Variants in NFASC observed in about 807,000 individuals in gnomAD.
NFASC encodes the protein neurofascin homolog.
In NFASC, 43 loss-of-function variants were observed where a neutral mutation model predicts 147.5. That is an observed-to-expected ratio of 0.29 (90% CI 0.23 to 0.38). The LOEUF (loss-of-function observed/expected upper bound fraction) is 0.38. NFASC is among the 10% of genes least tolerant of loss of function. NFASC has a pLI of 1.00. For synonymous variants in NFASC, 622 were observed against 665.5 expected, an observed-to-expected ratio of 0.93 and a Z score of 1.01; for missense variants, 1,320 against 1,689.0, an observed-to-expected ratio of 0.78 and a Z score of 3.83.
intron 1 of NFASC, among the ~76,000 whole-genome samples, chr1:204,829,159 A>G (rs570513050): frequency 2.1e-5 from 3 of 141,292 alleles, no homozygotes; most frequent in South Asian, 4.8e-4. Flanking sequence ...GGATGACCCC[A>G]TGCCTCCTGT....
intron 8 of NFASC, among the ~76,000 whole-genome samples, chr1:204,963,994 C>T (rs1379944057): frequency 6.6e-6 from 1 of 152,182 alleles, no homozygotes; most frequent in Non-Finnish European, 1.5e-5. Context: ...CTGCTAGGTG[C>T]CCCCTGACCT....
intron 3 of NFASC, chr1:204,946,573 C>T (rs1344831070): frequency 4.4e-6 from 2 of 450,180 alleles, no homozygotes; most frequent in Non-Finnish European, 9.1e-6. Flanking sequence ...CACACTTTCC[C>T]AGTGGCCACC....
At chr1:204,876,996 GTATA>G (rs60582969) in intron 1 of NFASC, among the ~76,000 whole-genome samples, 4,045 of 74,542 alleles carry the variant, frequency 0.054, 181 homozygotes, top group African/African-American at 0.11. Context: ...GGCTAAATAT[GTATA>G]TATATATATA....
At chr1:204,867,087 G>A (rs1400142763) in intron 1 of NFASC, among the ~76,000 whole-genome samples, 1 of 152,160 alleles carries the variant, frequency 6.6e-6, no homozygotes, top group African/African-American at 2.4e-5. Flanking sequence ...AGAAAAACAG[G>A]TGCAGTCGGA....
At chr1:204,931,862 G>A (rs2092390940) in intron 2 of NFASC, among the ~76,000 whole-genome samples, 1 of 152,072 alleles carries the variant, frequency 6.6e-6, no homozygotes, top group Non-Finnish European at 1.5e-5. Flanking sequence ...TCAGTCATCA[G>A]ATCCTATTCT....
At chr1:204,946,449 C>G in intron 3 of NFASC, 1 of 427,922 alleles carries the variant, frequency 2.3e-6, no homozygotes, top group Non-Finnish European at 4.9e-6. Context: ...CTGGCTGTGT[C>G]GGGGCAGGAG....
At chr1:204,906,722 GC>G (rs1426988052) in intron 1 of NFASC, among the ~76,000 whole-genome samples, 2 of 148,062 alleles carry the variant, frequency 1.4e-5, no homozygotes, top group Non-Finnish European at 3.0e-5. Context: ...TCGCTCTGTT[GC>G]CCAGGCTGGA....
At chr1:204,973,969 G>A (rs929341742) in intron 12 of NFASC, among the ~76,000 whole-genome samples, 3 of 152,192 alleles carry the variant, frequency 2.0e-5, no homozygotes, top group Non-Finnish European at 4.4e-5. Flanking sequence ...GGATTTGGAT[G>A]TAGGGTAGGT....
chr1:204,853,968 C>T (rs1295504598), intron 1 of NFASC, among the ~76,000 whole-genome samples: 4 of 152,148 alleles, frequency 2.6e-5, no homozygotes, highest in Non-Finnish European at 4.4e-5. Context: ...CTTTTCTGCT[C>T]CTCCTTGGGA....
chr1:204,856,598 A>G (rs1171836067), intron 1 of NFASC, among the ~76,000 whole-genome samples: 1 of 151,982 alleles, frequency 6.6e-6, no homozygotes, highest in South Asian at 2.1e-4. Context: ...TTGTGCAGCT[A>G]TCTCCTCTCT....
chr1:204,967,042 A>T (rs1215112139), intron 8 of NFASC, among the ~76,000 whole-genome samples: 1 of 152,078 alleles, frequency 6.6e-6, no homozygotes, highest in African/African-American at 2.4e-5. Context: ...ACCAGCACCG[A>T]TTAAACCCTG....
intron 24 of NFASC, among the ~76,000 whole-genome samples, chr1:204,996,233 C>T (rs2095843416): frequency 6.6e-6 from 1 of 152,056 alleles, no homozygotes; most frequent in South Asian, 2.1e-4. Context: ...GAGGGTTAGC[C>T]CAGATCTGAA....
At chr1:204,976,028 A>C (rs556111734) in intron 15 of NFASC, among the ~76,000 whole-genome samples, 13 of 152,232 alleles carry the variant, frequency 8.5e-5, no homozygotes, top group Admixed American at 5.2e-4. Context: ...CCCAGGGCTT[A>C]CTTTGCTTTA....
chr1:204,951,903 G>C (rs1289218793), intron 4 of NFASC, 108 bp from the exon 5 acceptor site: 8 of 798,870 alleles, frequency 1.0e-5, no homozygotes, highest in Non-Finnish European at 1.7e-5. Flanking sequence ...CCACCCACTT[G>C]CCTGCTTGCA....
intron 1 of NFASC, among the ~76,000 whole-genome samples, chr1:204,868,193 G>A (rs2077275311): frequency 6.6e-6 from 1 of 152,246 alleles, no homozygotes; most frequent in Non-Finnish European, 1.5e-5. Flanking sequence ...GGCCTGCTCA[G>A]TCCACCCTGT....
At position 204,975,170 on chromosome 1, in the gene NFASC, T is replaced by C. The variant is rs1055326124; in HGVS notation, c.1559-101T>C. Reference sequence around the variant, plus strand: ...ATACTGTTTGTGCCCCACTCCATAGTTGGCCCAAGGCCTCGAGGGCAGACA... The same window carrying C: ...ATACTGTTTGTGCCCCACTCCATAGCTGGCCCAAGGCCTCGAGGGCAGACA... On this transcript the variant is annotated intron_variant, in intron 14 of 29. Transcript: ENST00000339876. This position sits in a 1 kb window ranked among gnomAD's most constrained non-coding sequence, Gnocchi z 4.0. 2.0e-5 allele frequency: 26 copies of C among 1,331,130 alleles called. No homozygotes were observed. The highest frequency in any genetic ancestry group is 4.6e-5 in the East Asian group (2 of 43,112). The allele number at this position is 1,331,130 out of a possible 1,614,324, so 82.5% of individuals were successfully genotyped here.
At chr1:204,840,964 A>C (rs1675168529) in intron 1 of NFASC, among the ~76,000 whole-genome samples, 1 of 152,242 alleles carries the variant, frequency 6.6e-6, no homozygotes. Flanking sequence ...ATCGTAGAGA[A>C]GTGGTCCTGT....
intron 7 of NFASC, among the ~76,000 whole-genome samples, chr1:204,956,798 T>C (rs1029465744): frequency 6.6e-6 from 1 of 152,102 alleles, no homozygotes; most frequent in South Asian, 2.1e-4. Flanking sequence ...TAAAAAACAA[T>C]TGTGGGGATA....
At chr1:205,014,991 G>A (rs533125694) in intron 29 of NFASC, among the ~76,000 whole-genome samples, 1 of 152,100 alleles carries the variant, frequency 6.6e-6, no homozygotes, top group African/African-American at 2.4e-5. Context: ...CCCAACCCAC[G>A]GCTGTCCCAC....
Sources: gnomAD v4.1 joint callset for allele counts (sites outside exome capture counted in the v4.1 genomes callset) on GRCh38, gnomAD v4.1.1 for gene constraint, Gnocchi (gnomAD v3.1) non-coding constraint, MANE v1.5 for transcripts, NCBI Gene and HGNC (gene_info 2026-07-23, HGNC 2026-07-21) for gene names.